SEPTIN9: variants seen among roughly 807,000 people sequenced by gnomAD.
The protein encoded by SEPTIN9 is septin-9.
In SEPTIN9, 13 loss-of-function variants were observed where a neutral mutation model predicts 56.6. The observed-to-expected ratio is 0.23, with a 90% CI of 0.15 to 0.37. The LOEUF (loss-of-function observed/expected upper bound fraction) is 0.37. Ranked by LOEUF, SEPTIN9 falls within the 10% of genes least tolerant of loss-of-function variation. The pLI, the probability that SEPTIN9 is intolerant of heterozygous loss-of-function variation, is 1.00. For synonymous variants in SEPTIN9, 332 were observed against 334.1 expected (o/e 0.99, Z 0.07); for missense variants, 650 against 823.1 (o/e 0.79, Z 2.57).
At chr17:77,423,519 G>T (rs1326491067) in intron 3 of SEPTIN9, among the ~76,000 whole-genome samples, 1 of 152,258 alleles carries the variant, frequency 6.6e-6, no homozygotes. Flanking sequence ...CTTTAGAGAT[G>T]TGGCCCCTGA....
In SEPTIN9 at chr17:77,371,023, G is replaced by C. The variant is rs760311018; in HGVS notation, c.77-31036G>C. 2.6e-5 allele frequency among the ~76,000 whole-genome samples: 4 copies of C among 151,998 alleles called. No individual in the cohort carries two copies. Among genetic ancestry groups the C allele is most frequent in the Non-Finnish European group, 5.9e-5 (4 of 67,968 alleles). On this transcript the variant is annotated intron_variant, in intron 2 of 11. Coordinates refer to ENST00000427177, the MANE Select transcript of SEPTIN9 (RefSeq NM_001113491.2). This position sits in a 1 kb window ranked among gnomAD's most constrained non-coding sequence, Gnocchi z 4.1. The stretch of plus-strand genomic sequence containing the variant: ...CTGTTTCCCATCTCCTCTGAGGACA[G>C]GAAAAAAAAGGAAATAAATGATGTA...
intron 1 of SEPTIN9, among the ~76,000 whole-genome samples, chr17:77,285,744 C>T (rs778631003): frequency 6.6e-6 from 1 of 152,346 alleles, no homozygotes; most frequent in African/African-American, 2.4e-5. Flanking sequence ...TGAAGGGGCA[C>T]CAGCCACGAT....
At position 77,329,697 on chromosome 17, in the gene SEPTIN9, G is replaced by A. The variant is rs1281145920; in HGVS notation, c.76+22500G>A. On this transcript the variant is annotated intron_variant, in intron 2 of 11. Coordinates refer to ENST00000427177, the MANE Select transcript of SEPTIN9 (RefSeq NM_001113491.2). This position sits in a 1 kb window ranked among gnomAD's most constrained non-coding sequence, Gnocchi z 4.3. ...CCCCCATCCCCAAGCAGGAACCCTG[G>A]TGCCTGGTGCCTGAGGACTGCTGTC... is the stretch of plus-strand genomic sequence containing the variant. 6.6e-6 allele frequency among the ~76,000 whole-genome samples: 1 copy of A among 152,142 alleles called. No homozygotes were observed. The highest frequency in any genetic ancestry group is 1.5e-5 in the Non-Finnish European group (1 of 68,022).
chr17:77,416,079 C>T (rs1304702531), intron 3 of SEPTIN9, among the ~76,000 whole-genome samples: 1 of 152,260 alleles, frequency 6.6e-6, no homozygotes, highest in African/African-American at 2.4e-5. Flanking sequence ...CCCAGCCCTG[C>T]ACGTGCACAG....
chr17:77,324,794 C>T (rs941199520), intron 2 of SEPTIN9, among the ~76,000 whole-genome samples: 2 of 149,384 alleles, frequency 1.3e-5, no homozygotes, highest in African/African-American at 2.5e-5. Context: ...CTTCTCCCCA[C>T]GTTGTTAGTG....
intron 1 of SEPTIN9, among the ~76,000 whole-genome samples, chr17:77,288,559 T>C (rs2031382723): frequency 1.3e-5 from 2 of 152,218 alleles, no homozygotes; most frequent in African/African-American, 4.8e-5. Context: ...GGGCCGGGGC[T>C]TCCTTTCACA....
At chr17:77,334,179 T>A (rs1050160970) in intron 2 of SEPTIN9, among the ~76,000 whole-genome samples, 1 of 152,144 alleles carries the variant, frequency 6.6e-6, no homozygotes, top group Admixed American at 6.5e-5. Context: ...TCCCAGCACT[T>A]TGGGAGGCCG....
chr17:77,473,718 G>T (rs745430770), intron 3 of SEPTIN9, among the ~76,000 whole-genome samples: 1 of 152,136 alleles, frequency 6.6e-6, no homozygotes, highest in Non-Finnish European at 1.5e-5. Flanking sequence ...CGGAAGTCTC[G>T]GCTAATAAAC....
At chr17:77,401,337 A>G (rs2035890151) in intron 2 of SEPTIN9, among the ~76,000 whole-genome samples, 1 of 152,140 alleles carries the variant, frequency 6.6e-6, no homozygotes, top group Non-Finnish European at 1.5e-5. Flanking sequence ...AGTTGCGGTC[A>G]CTTATTATTG....
chr17:77,418,594 C>T (rs540270104), intron 3 of SEPTIN9, among the ~76,000 whole-genome samples: 36 of 152,190 alleles, frequency 2.4e-4, no homozygotes, highest in Non-Finnish European at 4.6e-4. Context: ...CTGCCCACCT[C>T]GGCTTCCCAA....
chr17:77,442,671 A>C (rs1029244030), intron 3 of SEPTIN9, among the ~76,000 whole-genome samples: 3 of 151,184 alleles, frequency 2.0e-5, no homozygotes, highest in Admixed American at 2.0e-4. Context: ...TCGGGAATTC[A>C]AGACCAGCCT....
chr17:77,364,286 G>A (rs2034507094), intron 2 of SEPTIN9, among the ~76,000 whole-genome samples: 2 of 152,360 alleles, frequency 1.3e-5, no homozygotes, highest in Middle Eastern at 3.4e-3. Flanking sequence ...AGAGGGGTGC[G>A]GCATGGGGGC....
At position 77,310,739 on chromosome 17, in the gene SEPTIN9, G is replaced by A. The variant is rs11077899; in HGVS notation, c.76+3542G>A. Among the ~76,000 whole-genome samples the A allele has an allele frequency of 1.3e-5, 2 of 152,078 alleles. No individual in the cohort carries two copies. The highest frequency in any genetic ancestry group is 4.8e-5 in the African/African-American group (2 of 41,452). On this transcript the variant is annotated intron_variant, in intron 2 of 11. Transcript: ENST00000427177. The surrounding 1 kb of genome is among the most constrained non-coding windows in gnomAD (Gnocchi z 4.7). ...CCGCCTCTCTGACTGAGCGTCCAGC[G>A]GACTTTTGCCCTGTTTCCCACGGTG...
intron 2 of SEPTIN9, among the ~76,000 whole-genome samples, chr17:77,316,822 G>A (rs1047489298): frequency 3.3e-5 from 5 of 151,610 alleles, no homozygotes; most frequent in Non-Finnish European, 5.9e-5. Flanking sequence ...TCCTTCCGCC[G>A]CAGCCTCCCA....
At chr17:77,287,750 C>A in intron 1 of SEPTIN9, 1 of 433,678 alleles carries the variant, frequency 2.3e-6, no homozygotes, top group Non-Finnish European at 3.2e-6. Flanking sequence ...AATGGCCTCT[C>A]GGCAGCTCTG....
At chr17:77,292,655 G>A (rs940580528) in intron 1 of SEPTIN9, among the ~76,000 whole-genome samples, 2 of 151,948 alleles carry the variant, frequency 1.3e-5, no homozygotes, top group Non-Finnish European at 2.9e-5. Context: ...CACCATGCCT[G>A]GCCAATTTTG....
chr17:77,406,110 C>T (rs1366434822), intron 3 of SEPTIN9, among the ~76,000 whole-genome samples: 1 of 152,228 alleles, frequency 6.6e-6, no homozygotes, highest in Non-Finnish European at 1.5e-5. Flanking sequence ...AGCTGAATTG[C>T]TCCCAGACTG....
chr17:77,358,209 G>T (rs1433714134), intron 2 of SEPTIN9, among the ~76,000 whole-genome samples: 5 of 152,198 alleles, frequency 3.3e-5, no homozygotes, highest in South Asian at 4.1e-4. Flanking sequence ...AGCACCTGGC[G>T]ATGTTTTGGG....
chr17:77,333,238 G>A (rs184780899), intron 2 of SEPTIN9, among the ~76,000 whole-genome samples: 1 of 152,296 alleles, frequency 6.6e-6, no homozygotes, highest in Non-Finnish European at 1.5e-5. Flanking sequence ...ACATTTTCAT[G>A]ATTGGCTCTT....
Sources: allele counts gnomAD v4.1 joint callset (sites outside exome capture counted in the v4.1 genomes callset), GRCh38; gene constraint gnomAD v4.1.1; non-coding constraint Gnocchi (gnomAD v3.1); transcripts MANE v1.5; gene names NCBI Gene and HGNC (gene_info 2026-07-23, HGNC 2026-07-21).